Variants in THSD7B observed in about 807,000 individuals in gnomAD.
THSD7B encodes thrombospondin type-1 domain-containing protein 7B.
A neutral mutation model predicts 213.6 loss-of-function variants in THSD7B; 138 were observed. The observed-to-expected ratio is 0.65, with a 90% CI of 0.56 to 0.74. The LOEUF (loss-of-function observed/expected upper bound fraction) is 0.74. Ranked by LOEUF, THSD7B falls within the 30% of genes least tolerant of loss-of-function variation. THSD7B has a pLI of 0.00. For missense variants in THSD7B, 1,931 were observed against 1,991.5 expected, an observed-to-expected ratio of 0.97 and a Z score of 0.58; for synonymous variants, 742 against 687.0, an observed-to-expected ratio of 1.08 and a Z score of -1.25.
At chr2:137,489,805 T>A (rs1688563681) in intron 15 of THSD7B, among the ~76,000 whole-genome samples, 1 of 152,232 alleles carries the variant, frequency 6.6e-6, no homozygotes, top group South Asian at 2.1e-4. Flanking sequence ...AATCACCATA[T>A]TTTAAACCAC....
At chr2:137,393,629 A>C (rs973294425) in intron 12 of THSD7B, among the ~76,000 whole-genome samples, 4 of 143,866 alleles carry the variant, frequency 2.8e-5, no homozygotes, top group Admixed American at 2.7e-4. Context: ...ATATGTGTGC[A>C]TGTGTCTTTA....
chr2:137,052,781 T>C (rs1687092713), intron 2 of THSD7B, among the ~76,000 whole-genome samples: 1 of 152,184 alleles, frequency 6.6e-6, no homozygotes, highest in East Asian at 1.9e-4. Context: ...GTATTGAAAG[T>C]TCATAGCCAA....
intron 12 of THSD7B, among the ~76,000 whole-genome samples, chr2:137,307,873 C>A (rs1683794586): frequency 6.6e-6 from 1 of 152,018 alleles, no homozygotes; most frequent in East Asian, 1.9e-4. Context: ...GGAGCGGTGA[C>A]CCTCTCTGGA....
chr2:137,048,495 G>A (rs552087703), intron 2 of THSD7B, among the ~76,000 whole-genome samples: 1 of 152,328 alleles, frequency 6.6e-6, no homozygotes, highest in Admixed American at 6.5e-5. Flanking sequence ...CCATGTATCT[G>A]TTACAGTGGT....
intron 2 of THSD7B, among the ~76,000 whole-genome samples, chr2:137,045,106 C>A (rs575173362): frequency 3.9e-5 from 6 of 152,232 alleles, no homozygotes; most frequent in Admixed American, 1.3e-4. Flanking sequence ...GGATGAATTT[C>A]TTTTTCCTTC....
chr2:136,992,491 A>G (rs1050655147), intron 2 of THSD7B, among the ~76,000 whole-genome samples: 2 of 152,212 alleles, frequency 1.3e-5, no homozygotes, highest in African/African-American at 4.8e-5. Context: ...AAGCTCAGGA[A>G]AAGCCTATGG....
intron 2 of THSD7B, among the ~76,000 whole-genome samples, chr2:136,930,686 G>C (rs1455608214): frequency 6.6e-6 from 1 of 152,184 alleles, no homozygotes; most frequent in Non-Finnish European, 1.5e-5. Context: ...AAAGAGTAAA[G>C]AGTCCAAGAT....
Position 137,040,232 on chromosome 2 carries a change from C to A in THSD7B, c.140-16188C>A, listed in dbSNP as rs954750579. 2.0e-5 allele frequency among the ~76,000 whole-genome samples: 3 copies of A among 152,132 alleles called. No individual in the cohort carries two copies. In the South Asian group the frequency reaches 6.2e-4, roughly 32 times the overall value. On this transcript the variant is annotated intron_variant, in intron 2 of 27. Transcript: ENST00000409968. ...CTGGACAATGCTTACAAATGTGTTC[C>A]GGTAGAAAGGTGGACAGGAGGTGTG...
chr2:136,994,166 A>G (rs1033997328), intron 2 of THSD7B, among the ~76,000 whole-genome samples: 17 of 152,230 alleles, frequency 1.1e-4, no homozygotes, highest in African/African-American at 3.9e-4. Context: ...AAAGAAATAC[A>G]TAATTGACGA....
At chr2:137,383,633 G>C (rs1390290891) in intron 12 of THSD7B, among the ~76,000 whole-genome samples, 1 of 152,140 alleles carries the variant, frequency 6.6e-6, no homozygotes, top group Non-Finnish European at 1.5e-5. Context: ...ACCCACATGA[G>C]CTTGTGCTTG....
At chr2:136,919,407 A>G (rs2105032555) in intron 2 of THSD7B, among the ~76,000 whole-genome samples, 1 of 152,234 alleles carries the variant, frequency 6.6e-6, no homozygotes, top group Admixed American at 6.5e-5. Flanking sequence ...TTTTTGGGAG[A>G]CCAGCTTGCT....
intron 1 of THSD7B, among the ~76,000 whole-genome samples, chr2:136,790,261 A>G (rs1238036471): frequency 6.6e-6 from 1 of 151,962 alleles, no homozygotes; most frequent in Non-Finnish European, 1.5e-5. Flanking sequence ...ACCACAGGTA[A>G]TAAACCCCAC....
intron 2 of THSD7B, among the ~76,000 whole-genome samples, chr2:137,034,702 C>T (rs908369947): frequency 3.3e-5 from 5 of 152,058 alleles, no homozygotes; most frequent in Admixed American, 1.3e-4. Flanking sequence ...GTTTCTGTTC[C>T]TGTGTTCAGT....
chr2:137,596,252 T>A (rs1357987291), intron 17 of THSD7B, among the ~76,000 whole-genome samples: 1 of 149,992 alleles, frequency 6.7e-6, no homozygotes, highest in Non-Finnish European at 1.5e-5. Context: ...GAAGATAATG[T>A]AGCTATTAAC....
intron 1 of THSD7B, among the ~76,000 whole-genome samples, chr2:136,802,589 C>CATGT (rs2104923015): frequency 7.3e-6 from 1 of 136,390 alleles, no homozygotes; most frequent in Non-Finnish European, 1.5e-5. Context: ...GGTATCCCTG[C>CATGT]ATGTGTACTA....
At chr2:136,889,687 G>A (rs999537385) in intron 2 of THSD7B, among the ~76,000 whole-genome samples, 1 of 152,094 alleles carries the variant, frequency 6.6e-6, no homozygotes, top group African/African-American at 2.4e-5. Context: ...TATGTCACAT[G>A]CCCATCATTA....
intron 10 of THSD7B, among the ~76,000 whole-genome samples, chr2:137,254,214 A>G (rs1474281515): frequency 6.6e-6 from 1 of 152,240 alleles, no homozygotes; most frequent in Non-Finnish European, 1.5e-5. Flanking sequence ...CATGCTTTCA[A>G]TGATCATAAA....
intron 5 of THSD7B, among the ~76,000 whole-genome samples, chr2:137,158,361 C>T (rs1249297867): frequency 1.3e-5 from 2 of 152,150 alleles, no homozygotes; most frequent in Admixed American, 6.6e-5. Flanking sequence ...TTGATTGCCA[C>T]CTCTTCTCAG....
In THSD7B at chr2:137,332,837, C is replaced by A. The variant is rs141643054; in HGVS notation, c.2500+56811C>A. Among the ~76,000 whole-genome samples, 8 of 152,344 alleles carry A rather than the reference C, an allele frequency of 5.3e-5. No individual in the cohort carries two copies. In the East Asian group the frequency reaches 1.5e-3, roughly 29 times the overall value. On this transcript the variant is annotated intron_variant, in intron 12 of 27. Transcript: ENST00000409968. ...CTGCTGCCCTGTGAAGAGGTGCCTT[C>A]TGCCATGATTGTAAGTTTCCTGAGG... is the stretch of plus-strand genomic sequence containing the variant.
Sources: allele counts gnomAD v4.1 joint callset (sites outside exome capture counted in the v4.1 genomes callset), GRCh38; gene constraint gnomAD v4.1.1; transcripts MANE v1.5; gene names NCBI Gene and HGNC (gene_info 2026-07-23, HGNC 2026-07-21).